The following HERC3 variants were observed in gnomAD, a reference collection of about 807,000 sequenced individuals.
HERC3 encodes the protein probable E3 ubiquitin-protein ligase HERC3.
Under a neutral mutation model 129.9 loss-of-function variants are expected in HERC3, and 58 were observed. The ratio of observed to expected loss-of-function variants is 0.45; its 90% CI spans 0.36 to 0.56. The LOEUF is 0.56. Among genes scored for constraint, HERC3 ranks in the 20% least tolerant of loss-of-function variants. The pLI is 0.00. For missense variants in HERC3, 835 were observed against 1,244.2 expected, an observed-to-expected ratio of 0.67 and a Z score of 4.95; for synonymous variants, 430 against 451.0, an observed-to-expected ratio of 0.95 and a Z score of 0.59.
At chr4:88,543,358 C>T in the HERC3 span, among the ~76,000 whole-genome samples, 1 of 151,980 alleles carries the variant, frequency 6.6e-6, no homozygotes, top group African/African-American at 2.4e-5. Flanking sequence ...AATAAAATAC[C>T]TCGGAATCAA....
At chr4:88,610,192 C>T (rs956079887) in intron 3 of HERC3, among the ~76,000 whole-genome samples, 1 of 152,128 alleles carries the variant, frequency 6.6e-6, no homozygotes, top group African/African-American at 2.4e-5. Context: ...CAGTGGCTCA[C>T]GCCTGTAATC....
chr4:88,661,049 C>T (rs1484241439), intron 10 of HERC3, among the ~76,000 whole-genome samples: 7 of 152,138 alleles, frequency 4.6e-5, no homozygotes, highest in African/African-American at 1.7e-4. Context: ...CCCAAGGCAT[C>T]TCTGGTTTAT....
the HERC3 span, among the ~76,000 whole-genome samples, chr4:88,555,712 T>A: frequency 6.6e-6 from 1 of 152,262 alleles, no homozygotes; most frequent in Admixed American, 6.5e-5. Context: ...ATTTACTTAC[T>A]ATTTTGTATG....
chr4:88,562,316 A>G, the HERC3 span, among the ~76,000 whole-genome samples: 2 of 152,194 alleles, frequency 1.3e-5, no homozygotes, highest in African/African-American at 4.8e-5. Flanking sequence ...ATGTCTATTC[A>G]GATCTTTTGC....
intron 3 of HERC3, among the ~76,000 whole-genome samples, chr4:88,614,427 T>A (rs1186309135): frequency 6.6e-6 from 1 of 152,210 alleles, no homozygotes; most frequent in Non-Finnish European, 1.5e-5. Context: ...TTGTTTACAT[T>A]TAATTTCCAC....
At chr4:88,590,192 G>C (rs1721626723), upstream of HERC3, among the ~76,000 whole-genome samples, 1 of 151,584 alleles carries the variant, frequency 6.6e-6, no homozygotes, top group Admixed American at 6.6e-5. Flanking sequence ...TGCTTGAGCC[G>C]GGGAGGTGGA....
At chr4:88,574,395 TAATA>T in the HERC3 span, among the ~76,000 whole-genome samples, 1 of 135,354 alleles carries the variant, frequency 7.4e-6, no homozygotes, top group South Asian at 2.4e-4. Flanking sequence ...TAAAGTTAGT[TAATA>T]GTTATTATTT....
At chr4:88,566,413 C>CG in the HERC3 span, among the ~76,000 whole-genome samples, 1 of 151,984 alleles carries the variant, frequency 6.6e-6, no homozygotes, top group African/African-American at 2.4e-5. Context: ...ACTTCCTTCC[C>CG]CCCTTTGCTT....
At chr4:88,636,260 T>C (rs1727381702) in intron 3 of HERC3, among the ~76,000 whole-genome samples, 1 of 152,170 alleles carries the variant, frequency 6.6e-6, no homozygotes, top group Admixed American at 6.5e-5. Flanking sequence ...CCATCTCATG[T>C]GCAGAGACAC....
At chr4:88,686,844 CT>C in intron 22 of HERC3, 42 bp downstream of exon 22, 1 of 1,363,520 alleles carries the variant, frequency 7.3e-7, no homozygotes, top group Non-Finnish European at 1.0e-6. Flanking sequence ...GGCTGTCTCT[CT>C]TACCATCTTT....
intron 12 of HERC3, 78 bp downstream of exon 12, chr4:88,664,290 T>A (rs1348922497): frequency 8.3e-7 from 1 of 1,206,214 alleles, no homozygotes; most frequent in African/African-American, 1.5e-5. Context: ...CACAGGAGGA[T>A]TGCTTGAGTT....
chr4:88,688,818 G>C (rs113371741), intron 23 of HERC3, among the ~76,000 whole-genome samples: 2,354 of 152,254 alleles, frequency 0.015, 63 homozygotes, highest in African/African-American at 0.054. Flanking sequence ...TGAAAAACAA[G>C]AGCAAGGAAA....
At chr4:88,531,720 A>C in the HERC3 span, among the ~76,000 whole-genome samples, 12 of 152,132 alleles carry the variant, frequency 7.9e-5, no homozygotes, top group African/African-American at 2.7e-4. Flanking sequence ...CTAGATACAC[A>C]CACGTGAAAT....
At chr4:88,584,489 C>G in the HERC3 span, among the ~76,000 whole-genome samples, 2 of 152,086 alleles carry the variant, frequency 1.3e-5, no homozygotes, top group African/African-American at 4.8e-5. Context: ...GAATGTTGTC[C>G]CCTCCAAAGC....
At chr4:88,641,323 G>T (rs1033084049) in intron 3 of HERC3, among the ~76,000 whole-genome samples, 2 of 152,156 alleles carry the variant, frequency 1.3e-5, no homozygotes, top group Non-Finnish European at 2.9e-5. Context: ...TGCTTAGAGA[G>T]AACTTTGTGG....
At chr4:88,571,694 G>A in the HERC3 span, among the ~76,000 whole-genome samples, 1 of 152,148 alleles carries the variant, frequency 6.6e-6, no homozygotes, top group Non-Finnish European at 1.5e-5. Context: ...CCAAAAATCT[G>A]CCATCCTTAC....
chr4:88,704,643 C>G, intron 25 of HERC3, 33 bp downstream of exon 25: 1 of 1,347,270 alleles, frequency 7.4e-7, no homozygotes, highest in East Asian at 2.3e-5. Flanking sequence ...TGGTATTTGT[C>G]TACATTTTAG....
upstream of HERC3, among the ~76,000 whole-genome samples, chr4:88,590,502 G>C (rs937942997): frequency 6.6e-6 from 1 of 151,794 alleles, no homozygotes; most frequent in African/African-American, 2.4e-5. Context: ...CAGCTTGCAG[G>C]GAGCCGAGTT....
At chr4:88,693,753 C>G in intron 23 of HERC3, 3 of 880,146 alleles carry the variant, frequency 3.4e-6, no homozygotes, top group Non-Finnish European at 4.1e-6. Context: ...CAGTAAGCAT[C>G]GGCATGCCAG....
Sources: allele counts gnomAD v4.1 joint callset (sites outside exome capture counted in the v4.1 genomes callset), GRCh38; gene constraint gnomAD v4.1.1; transcripts MANE v1.5; gene names NCBI Gene and HGNC (gene_info 2026-07-23, HGNC 2026-07-21).